Variants in CFAP69 observed in about 807,000 individuals in gnomAD.
The protein encoded by CFAP69 is cilia and flagella associated protein 69.
Under a neutral mutation model 123.0 loss-of-function variants are expected in CFAP69, and 92 were observed. The observed-to-expected ratio is 0.75, with a 90% confidence interval of 0.63 to 0.89. The LOEUF (loss-of-function observed/expected upper bound fraction) is 0.89. Ranked by LOEUF, CFAP69 falls within the 40% of genes least tolerant of loss-of-function variation. The pLI is 0.00. For synonymous variants in CFAP69, 380 were observed against 364.3 expected (o/e 1.04, Z -0.49); for missense variants, 1,067 against 1,096.9 (o/e 0.97, Z 0.39).
rs1295004024 is a variant in CFAP69, at chr7:90,245,210, A to G, written c.-215A>G. ...GGCTTGTGTTAACAACCGGCCCGGG[A>G]TCAGAGGTCTGGGTCAACTGGGGGG... On this transcript the variant is annotated 5_prime_UTR_variant, in exon 1 of 23. Transcript: ENST00000389297. 2.0e-6 allele frequency: 1 copy of G among 496,670 alleles called. No homozygotes were observed. Among genetic ancestry groups the G allele is most frequent in the Non-Finnish European group, 3.3e-6 (1 of 307,142 alleles). 30.8% of individuals were successfully genotyped at this position (496,670 alleles called of 1,614,324 possible). A position where few individuals can be genotyped will look rare whatever the true frequency, so the allele number is the denominator to read the frequency against.
chr7:90,304,096 G>A lies in CFAP69; in HGVS notation c.2178G>A (p.Leu726=). 6.5e-7 allele frequency: 1 copy of A among 1,548,426 alleles called. No individual in the cohort carries two copies. Among genetic ancestry groups the A allele is most frequent in the Non-Finnish European group, 8.7e-7 (1 of 1,145,368 alleles). The part of the protein sequence containing the change: ...ENIRAKIYAI[L]GKLDFENLPG... ...TTAGAGCAAAAATTTATGCTATATT[G>A]GGCAAACTAGGTAAGAAGTTCTCTT... The change falls in exon 18 of 23, where the codon TTG becomes TTA. Residue 726 remains leucine, a synonymous_variant. Transcript: ENST00000389297.
intron 11 of CFAP69, among the ~76,000 whole-genome samples, 161 bp from the exon 12 acceptor site, chr7:90,279,516 G>C (rs918111731): frequency 2.0e-5 from 3 of 149,120 alleles, no homozygotes; most frequent in African/African-American, 7.4e-5. Flanking sequence ...TTTAATTTTT[G>C]GTGTTTTTTT....
the CFAP69 span, chr7:90,320,335 ATTC>A: frequency 6.6e-6 from 1 of 152,188 alleles, no homozygotes; most frequent in East Asian, 1.9e-4. Flanking sequence ...TATCCGGTGT[ATTC>A]TTGGCTTCCC....
At chr7:90,280,223 G>C (rs190411351) in intron 12 of CFAP69, among the ~76,000 whole-genome samples, 1 of 152,052 alleles carries the variant, frequency 6.6e-6, no homozygotes, top group African/African-American at 2.4e-5. Flanking sequence ...GTTGAGACAG[G>C]GTCTCACCCT....
chr7:90,246,785 G>GGGCAACGT (rs1562827803), intron 1 of CFAP69, among the ~76,000 whole-genome samples: 1 of 151,308 alleles, frequency 6.6e-6, no homozygotes, highest in Non-Finnish European at 1.5e-5. Flanking sequence ...AAGAAAAATT[G>GGGCAACGT]GGCAACGTTA....
chr7:90,305,346 A>C (rs1793412357), intron 19 of CFAP69, among the ~76,000 whole-genome samples: 1 of 151,570 alleles, frequency 6.6e-6, no homozygotes, highest in African/African-American at 2.4e-5. Context: ...GTCTAAAAAA[A>C]AAAAAAGAAA....
Position 90,310,319 on chromosome 7 carries a change from AT to A in CFAP69, c.*85del. On this transcript the variant is annotated 3_prime_UTR_variant, in exon 23 of 23. Transcript: ENST00000389297. The stretch of plus-strand genomic sequence containing the variant: ...ATCTTTATACATATGTAAAGCCAAT[AT>A]TTTAGAATAAGTATTTTAGTATAAA... 1.4e-6 allele frequency: 1 copy of A among 739,284 alleles called. No homozygotes were observed. The highest frequency in any genetic ancestry group is 1.9e-6 in the Non-Finnish European group (1 of 516,742). The allele number at this position is 739,284 out of a possible 1,614,324, so 45.8% of individuals were successfully genotyped here. A position where few individuals can be genotyped will look rare whatever the true frequency, so the allele number is the denominator to read the frequency against.
chr7:90,250,220 GA>G (rs1343307481), intron 1 of CFAP69, among the ~76,000 whole-genome samples: 1 of 134,840 alleles, frequency 7.4e-6, no homozygotes. Flanking sequence ...GAGAGAGAGA[GA>G]GAGAGAGAGA....
chr7:90,319,495 C>A, the CFAP69 span: 1 of 398,448 alleles, frequency 2.5e-6, no homozygotes, highest in Admixed American at 4.4e-5. Context: ...ATTATAATGT[C>A]CAGGCCGCTG....
intron 20 of CFAP69, 111 bp downstream of exon 20, chr7:90,307,209 A>G (rs1211357067): frequency 5.5e-6 from 4 of 724,928 alleles, no homozygotes; most frequent in South Asian, 3.3e-5. Context: ...TAGGACAACT[A>G]TAGTAACAAT....
In CFAP69 at chr7:90,286,328, A is replaced by C; in HGVS notation, c.1585A>C (p.Ile529Leu). ...ISKPNEKEEA[I>L]VLEIQSDILL... ...CAAGCCTAATGAAAAGGAAGAAGCCATTGTTTTGGAAATCCAGTCTGATAT... is the reference window on the plus strand; with the variant it reads ...CAAGCCTAATGAAAAGGAAGAAGCCCTTGTTTTGGAAATCCAGTCTGATAT... Residue 529 changes from isoleucine to leucine, a missense_variant, in exon 14 of 23, where the codon ATT becomes CTT. Coordinates refer to ENST00000389297, the MANE Select transcript of CFAP69 (RefSeq NM_001039706.3). 6.2e-7 allele frequency: 1 copy of C among 1,609,404 alleles called. No homozygotes were observed. The highest frequency in any genetic ancestry group is 2.2e-5 in the East Asian group (1 of 44,736).
intron 13 of CFAP69, among the ~76,000 whole-genome samples, chr7:90,285,881 G>A (rs186644722): frequency 6.6e-6 from 1 of 152,164 alleles, no homozygotes. Context: ...TGAGGCTATG[G>A]ATTACATTCA....
At position 90,245,225 on chromosome 7, in the gene CFAP69, C is replaced by T. The variant is rs953427816; in HGVS notation, c.-200C>T. Reference sequence around the variant, plus strand: ...CCGGCCCGGGATCAGAGGTCTGGGTCAACTGGGGGGCGGCAGCGGCGCTAA... The same window carrying T: ...CCGGCCCGGGATCAGAGGTCTGGGTTAACTGGGGGGCGGCAGCGGCGCTAA... On this transcript the variant is annotated 5_prime_UTR_variant, in exon 1 of 23. Coordinates refer to ENST00000389297, the MANE Select transcript of CFAP69 (RefSeq NM_001039706.3). 3 of 580,344 alleles carry T rather than the reference C, an allele frequency of 5.2e-6. No homozygotes were observed. Among genetic ancestry groups the T allele is most frequent in the Admixed American group, 4.4e-5 (1 of 22,720 alleles). 35.9% of individuals were successfully genotyped at this position (580,344 alleles called of 1,614,324 possible).
intron 18 of CFAP69, 81 bp from the exon 19 acceptor site, chr7:90,304,643 GTAGATAGATAGATAGATAGA>G (rs66750678): frequency 0.24 from 306,264 of 1,279,222 alleles, 40,237 homozygotes; most frequent in East Asian, 0.68. Flanking sequence ...TTTTAGATAG[GTAGATAGATAGATAGATAGA>G]TAGATAGATA....
the CFAP69 span, chr7:90,316,412 C>T: frequency 6.6e-6 from 1 of 152,152 alleles, no homozygotes; most frequent in Admixed American, 6.5e-5. Flanking sequence ...TACATATTGT[C>T]CCAATTCAGC....
chr7:90,250,140 C>T (rs1400888366), intron 1 of CFAP69, among the ~76,000 whole-genome samples: 1 of 148,666 alleles, frequency 6.7e-6, no homozygotes, highest in Non-Finnish European at 1.5e-5. Flanking sequence ...CCTAGGAATT[C>T]AAAGCTAGCC....
chr7:90,255,184 C>T (rs1797492860), intron 1 of CFAP69, among the ~76,000 whole-genome samples: 1 of 152,160 alleles, frequency 6.6e-6, no homozygotes, highest in African/African-American at 2.4e-5. Context: ...CCCTTCAGGG[C>T]TGATGAAATT....
At chr7:90,323,121 C>T in the CFAP69 span, among the ~76,000 whole-genome samples, 1 of 152,134 alleles carries the variant, frequency 6.6e-6, no homozygotes, top group Non-Finnish European at 1.5e-5. Context: ...AGGAAGAAAA[C>T]TGGCATTATC....
At chr7:90,251,397 A>C (rs1796987313) in intron 1 of CFAP69, among the ~76,000 whole-genome samples, 1 of 152,130 alleles carries the variant, frequency 6.6e-6, no homozygotes, top group Admixed American at 6.5e-5. Flanking sequence ...GGTTGGTCTT[A>C]AGTTGGAAGC....
Sources: allele counts gnomAD v4.1 joint callset (sites outside exome capture counted in the v4.1 genomes callset), GRCh38; gene constraint gnomAD v4.1.1; transcripts MANE v1.5; gene names NCBI Gene and HGNC (gene_info 2026-07-23, HGNC 2026-07-21).